Variants in RSRC1 observed in about 807,000 individuals in gnomAD.
RSRC1 encodes arginine and serine rich coiled-coil 1.
Under a neutral mutation model 49.1 loss-of-function variants are expected in RSRC1, and 39 were observed. The ratio of observed to expected loss-of-function variants is 0.79; its 90% CI spans 0.61 to 1.04. The LOEUF is 1.04. Among genes scored for constraint, RSRC1 ranks in the 50% least tolerant of loss-of-function variants. The pLI is 0.00. For synonymous variants in RSRC1, 143 were observed against 130.8 expected, an observed-to-expected ratio of 1.09 and a Z score of -0.63; for missense variants, 388 against 402.4, an observed-to-expected ratio of 0.96 and a Z score of 0.31.
At chr3:158,201,123 T>C (rs1216696387) in intron 3 of RSRC1, among the ~76,000 whole-genome samples, 1 of 152,144 alleles carries the variant, frequency 6.6e-6, no homozygotes, top group Admixed American at 6.5e-5. Flanking sequence ...TTGCTGGGTA[T>C]AAAATTCTAG....
At chr3:158,159,060 A>C (rs1289239609) in intron 3 of RSRC1, among the ~76,000 whole-genome samples, 1 of 152,078 alleles carries the variant, frequency 6.6e-6, no homozygotes, top group East Asian at 1.9e-4. Flanking sequence ...TTGAGTATAG[A>C]GGAGTAACTG....
At chr3:158,304,916 G>A (rs1285324791) in intron 5 of RSRC1, among the ~76,000 whole-genome samples, 1 of 152,106 alleles carries the variant, frequency 6.6e-6, no homozygotes, top group Admixed American at 6.6e-5. Flanking sequence ...TATCTTTAAT[G>A]TGGATAAAAT....
At chr3:158,427,078 G>A (rs1462108072) in intron 6 of RSRC1, among the ~76,000 whole-genome samples, 1 of 151,738 alleles carries the variant, frequency 6.6e-6, no homozygotes, top group Non-Finnish European at 1.5e-5. Context: ...GACAGGCTCA[G>A]TAGGGCACGT....
rs1740742942 is a variant in RSRC1 at position 158,518,745 on chromosome 3, T to C, written c.653-18347T>C. The stretch of plus-strand genomic sequence containing the variant: ...TCACATGCAAACTCTGAGCAGCATT[T>C]AACTCAACCGACCACACTATTCTTC... On this transcript the variant is annotated intron_variant, in intron 7 of 9. Coordinates refer to ENST00000611884, the MANE Select transcript of RSRC1 (RefSeq NM_001271838.2). Among the ~76,000 whole-genome samples, 4 of 152,144 alleles carry C rather than the reference T, an allele frequency of 2.6e-5. No individual in the cohort carries two copies. The South Asian group carries it at 8.3e-4, about 32-fold the overall frequency.
chr3:158,330,280 A>T (rs1729471078), intron 5 of RSRC1, among the ~76,000 whole-genome samples: 1 of 152,210 alleles, frequency 6.6e-6, no homozygotes. Flanking sequence ...AGATTTCCTC[A>T]GTTGGAAATG....
At chr3:158,197,388 C>G (rs1720698761) in intron 3 of RSRC1, among the ~76,000 whole-genome samples, 1 of 152,016 alleles carries the variant, frequency 6.6e-6, no homozygotes, top group East Asian at 1.9e-4. Context: ...GGATTCTTCT[C>G]TCTTTTCTTC....
chr3:158,517,708 C>A (rs1031899771), intron 7 of RSRC1, among the ~76,000 whole-genome samples: 1 of 143,518 alleles, frequency 7.0e-6, no homozygotes, highest in Non-Finnish European at 1.5e-5. Flanking sequence ...TCCACCTCAA[C>A]TTCCCAAAGT....
chr3:158,510,214 C>T (rs1407741866), intron 7 of RSRC1, among the ~76,000 whole-genome samples: 1 of 152,034 alleles, frequency 6.6e-6, no homozygotes. Context: ...TGGGCTTGAG[C>T]GTCTTCTCAT....
intron 1 of RSRC1, among the ~76,000 whole-genome samples, chr3:158,117,951 T>G (rs576887250): frequency 1.3e-5 from 2 of 151,214 alleles, no homozygotes; most frequent in Admixed American, 1.3e-4. Flanking sequence ...CTTATTGTTT[T>G]TGTTGTCTGT....
intron 6 of RSRC1, among the ~76,000 whole-genome samples, chr3:158,452,065 C>T (rs1298564799): frequency 2.0e-5 from 3 of 151,944 alleles, no homozygotes; most frequent in Non-Finnish European, 4.4e-5. Flanking sequence ...TAAAAGTTTC[C>T]CCATAAATAG....
intron 6 of RSRC1, among the ~76,000 whole-genome samples, chr3:158,372,860 T>C (rs1232614661): frequency 6.6e-6 from 1 of 151,908 alleles, no homozygotes; most frequent in African/African-American, 2.4e-5. Flanking sequence ...ATTCTGTTTT[T>C]TTATTTCTTT....
chr3:158,290,927 C>T (rs909113910), intron 4 of RSRC1, among the ~76,000 whole-genome samples: 2 of 152,328 alleles, frequency 1.3e-5, no homozygotes, highest in Admixed American at 6.5e-5. Flanking sequence ...GGTGCGGTGG[C>T]TCACACCTGT....
chr3:158,366,522 C>T (rs1000149891), intron 6 of RSRC1, among the ~76,000 whole-genome samples: 1 of 152,056 alleles, frequency 6.6e-6, no homozygotes, highest in Non-Finnish European at 1.5e-5. Context: ...GTTTTGGTAC[C>T]AGTGCCATGC....
chr3:158,366,286 C>G (rs769826347), intron 6 of RSRC1, among the ~76,000 whole-genome samples: 1 of 152,082 alleles, frequency 6.6e-6, no homozygotes. Flanking sequence ...GTAGGTCTTA[C>G]GTTTAAGTCT....
intron 7 of RSRC1, among the ~76,000 whole-genome samples, chr3:158,509,163 T>C (rs1396686523): frequency 6.6e-6 from 1 of 152,200 alleles, no homozygotes; most frequent in African/African-American, 2.4e-5. Context: ...CCATTTTGAG[T>C]TCATTTTTGT....
intron 3 of RSRC1, among the ~76,000 whole-genome samples, chr3:158,163,522 T>C (rs1391256369): frequency 6.6e-6 from 1 of 152,162 alleles, no homozygotes; most frequent in Non-Finnish European, 1.5e-5. Context: ...TTTATATTCA[T>C]GTCTCTCTGA....
intron 7 of RSRC1, among the ~76,000 whole-genome samples, chr3:158,532,483 C>T (rs1276021644): frequency 6.6e-6 from 1 of 151,802 alleles, no homozygotes; most frequent in Non-Finnish European, 1.5e-5. Context: ...AAAGAAAACT[C>T]TGTGTTATAA....
At chr3:158,197,697 G>T (rs9757721) in intron 3 of RSRC1, among the ~76,000 whole-genome samples, 1 of 151,966 alleles carries the variant, frequency 6.6e-6, no homozygotes, top group Non-Finnish European at 1.5e-5. Flanking sequence ...TTATGTCTTT[G>T]TTCTCGTTGG....
At chr3:158,272,087 T>C (rs1725550287) in intron 4 of RSRC1, among the ~76,000 whole-genome samples, 1 of 152,120 alleles carries the variant, frequency 6.6e-6, no homozygotes, top group Non-Finnish European at 1.5e-5. Context: ...AGGAAGTGAA[T>C]GGACACTGAT....
Sources: allele counts gnomAD v4.1 joint callset (sites outside exome capture counted in the v4.1 genomes callset), GRCh38; gene constraint gnomAD v4.1.1; transcripts MANE v1.5; gene names NCBI Gene and HGNC (gene_info 2026-07-23, HGNC 2026-07-21).